COL5A1: variants seen among roughly 807,000 people sequenced by gnomAD.
COL5A1 encodes the protein collagen alpha-1(V) chain.
In COL5A1, 16 loss-of-function variants were observed where a neutral mutation model predicts 263.7. The ratio of observed to expected loss-of-function variants is 0.06; its 90% CI spans 0.04 to 0.09. The LOEUF is 0.09. Ranked by LOEUF, COL5A1 falls within the 10% of genes least tolerant of loss-of-function variation. The pLI is 1.00. For missense variants in COL5A1, 2,036 were observed against 2,540.5 expected, an observed-to-expected ratio of 0.80 and a Z score of 4.27; for synonymous variants, 1,012 against 1,004.5, an observed-to-expected ratio of 1.01 and a Z score of -0.14.
rs1047912610 is a variant in COL5A1, at chr9:134,757,938, A to G, written c.1882-305A>G. 2.0e-5 allele frequency among the ~76,000 whole-genome samples: 3 copies of G among 152,134 alleles called. No homozygotes were observed. The highest frequency in any genetic ancestry group is 6.5e-5 in the Admixed American group (1 of 15,280). On this transcript the variant is annotated intron_variant, in intron 17 of 65. Transcript: ENST00000371817. This position sits in a 1 kb window ranked among gnomAD's most constrained non-coding sequence, Gnocchi z 6.2. ...GGGGAGATCAGCAGCAGACACTCACACACACGGGAAACTGCAGCGGTCGCT... is the reference window on the plus strand; with the variant it reads ...GGGGAGATCAGCAGCAGACACTCACGCACACGGGAAACTGCAGCGGTCGCT...
Position 134,681,061 on chromosome 9 carries a change from G to C in COL5A1, c.110-9851G>C, listed in dbSNP as rs1832840164. Among the ~76,000 whole-genome samples, 2 of 152,132 alleles carry C rather than the reference G, an allele frequency of 1.3e-5. No individual in the cohort carries two copies. The highest frequency in any genetic ancestry group is 4.1e-4 in the South Asian group (2 of 4,830). ...CCCCTGCCCCTTTGCTTTGCTCCCT[G>C]GTTTAGTCATTGAGGAAGAATTTCA... On this transcript the variant is annotated intron_variant, in intron 1 of 65. Transcript: ENST00000371817. The surrounding 1 kb of genome is among the most constrained non-coding windows in gnomAD (Gnocchi z 4.3).
chr9:134,679,383 AG>A (rs1342133125), intron 1 of COL5A1, among the ~76,000 whole-genome samples: 7 of 36,504 alleles, frequency 1.9e-4, no homozygotes, highest in South Asian at 9.1e-4. Context: ...GGGGCTGGTT[AG>A]GGGGCACTGT....
At chr9:134,777,264 G>A (rs774428559) in intron 27 of COL5A1, among the ~76,000 whole-genome samples, 2 of 152,260 alleles carry the variant, frequency 1.3e-5, no homozygotes, top group Non-Finnish European at 2.9e-5. Flanking sequence ...GCGAAAGCCT[G>A]TCCCTCTCTG....
At chr9:134,667,355 G>A (rs1460174286) in intron 1 of COL5A1, among the ~76,000 whole-genome samples, 3 of 152,230 alleles carry the variant, frequency 2.0e-5, no homozygotes, top group Non-Finnish European at 2.9e-5. Flanking sequence ...GCTGTGGAAC[G>A]CTGACCACCA....
chr9:134,718,254 C>T (rs1014707557), intron 4 of COL5A1, among the ~76,000 whole-genome samples: 6 of 152,236 alleles, frequency 3.9e-5, no homozygotes, highest in African/African-American at 1.4e-4. Context: ...TTCCGTCGAA[C>T]GTGGCCGCCA....
At chr9:134,745,404 G>T (rs893182758) in intron 11 of COL5A1, among the ~76,000 whole-genome samples, 1 of 152,152 alleles carries the variant, frequency 6.6e-6, no homozygotes, top group Non-Finnish European at 1.5e-5. Context: ...TGTTCATCAC[G>T]GTCAGTTAGT....
intron 25 of COL5A1, 49 bp downstream of exon 25, chr9:134,768,512 C>G: frequency 1.3e-6 from 2 of 1,579,190 alleles, no homozygotes; most frequent in Non-Finnish European, 1.7e-6. Context: ...CCACCTCCAC[C>G]CTGCGGATAG....
At chr9:134,738,941 CCCAGGCACTCCTCACA>C in intron 11 of COL5A1, 133 bp downstream of exon 11, 1 of 744,504 alleles carries the variant, frequency 1.3e-6, no homozygotes, top group Non-Finnish European at 2.4e-6. Flanking sequence ...TCCCCCCTCA[CCCAGGCACTCCTCACA>C]CCAGCCCCGT....
chr9:134,782,119 G>C (rs997162396), intron 28 of COL5A1, among the ~76,000 whole-genome samples: 1 of 152,182 alleles, frequency 6.6e-6, no homozygotes, highest in Non-Finnish European at 1.5e-5. Context: ...AGCCTCACTT[G>C]GGTCCCAGGT....
Position 134,803,005 on chromosome 9 carries a change from T to C in COL5A1, c.3114+10T>C, listed in dbSNP as rs1057523401. 1.8e-5 allele frequency: 28 copies of C among 1,579,804 alleles called. No individual in the cohort carries two copies. Among genetic ancestry groups the C allele is most frequent in the Non-Finnish European group, 2.4e-5 (28 of 1,160,188 alleles). On this transcript the variant is annotated intron_variant, in intron 39 of 65. Coordinates refer to ENST00000371817, the MANE Select transcript of COL5A1 (RefSeq NM_000093.5). ...AAAAGAAGGGACGAAGGTGAGTTTC[T>C]GGAGCCTTCTGTGTCAGCTCAGGCG...
In COL5A1 at chr9:134,754,128, C is replaced by A. The variant is rs183083175; in HGVS notation, c.1774-145C>A. ...CTGGCCTTCATTCTGGGCAGCAGAT[C>A]CGTGTCCCGTCCCCGAAGTGCCCAC... On this transcript the variant is annotated intron_variant, in intron 15 of 65. Coordinates refer to ENST00000371817, the MANE Select transcript of COL5A1 (RefSeq NM_000093.5). This position sits in a 1 kb window ranked among gnomAD's most constrained non-coding sequence, Gnocchi z 4.3. 2,789 of 892,068 alleles carry A rather than the reference C, an allele frequency of 3.1e-3. 8 individuals are homozygous for A. The highest frequency in any genetic ancestry group is 4.4e-3 in the Non-Finnish European group (2,416 of 553,622). The allele number at this position is 892,068 out of a possible 1,614,324, so 55.3% of individuals were successfully genotyped here. A position where few individuals can be genotyped will look rare whatever the true frequency, so the allele number is the denominator to read the frequency against.
intron 27 of COL5A1, among the ~76,000 whole-genome samples, chr9:134,778,204 G>C (rs574459390): frequency 6.6e-6 from 1 of 152,318 alleles, no homozygotes; most frequent in African/African-American, 2.4e-5. Flanking sequence ...TTCCAGCCAG[G>C]ATTGCTTTGG....
At chr9:134,760,975 T>C (rs1836402673) in intron 18 of COL5A1, among the ~76,000 whole-genome samples, 1 of 134,494 alleles carries the variant, frequency 7.4e-6, no homozygotes, top group African/African-American at 3.1e-5. Context: ...CACACATGTA[T>C]ACCACCCCGA....
chr9:134,674,620 T>C (rs546457869), intron 1 of COL5A1, among the ~76,000 whole-genome samples: 2 of 152,140 alleles, frequency 1.3e-5, no homozygotes, highest in Non-Finnish European at 2.9e-5. Flanking sequence ...GTGCGATGAC[T>C]CACGCCTGTA....
intron 4 of COL5A1, among the ~76,000 whole-genome samples, chr9:134,711,865 C>T (rs1187369174): frequency 6.6e-6 from 1 of 152,034 alleles, no homozygotes; most frequent in African/African-American, 2.4e-5. Flanking sequence ...CCCATAGAGC[C>T]ACTGCCTGGC....
chr9:134,768,543 T>TG (rs1836761885), intron 25 of COL5A1, 80 bp downstream of exon 25: 2 of 1,441,856 alleles, frequency 1.4e-6, no homozygotes, highest in South Asian at 2.3e-5. Context: ...CCAGGCTCTT[T>TG]GGGGTTGTTG....
chr9:134,679,632 T>TG (rs1832790322), intron 1 of COL5A1, among the ~76,000 whole-genome samples: 1 of 77,794 alleles, frequency 1.3e-5, no homozygotes, highest in African/African-American at 5.4e-5. Flanking sequence ...ACTGCGGGGC[T>TG]TCTTAGGGGG....
At chr9:134,771,493 C>T (rs561168106) in intron 25 of COL5A1, among the ~76,000 whole-genome samples, 16 of 152,358 alleles carry the variant, frequency 1.1e-4, no homozygotes, top group Admixed American at 3.3e-4. Context: ...GGGAACTTTG[C>T]GCCCTCCCAC....
At chr9:134,809,822 C>T (rs1255733179) in intron 43 of COL5A1, among the ~76,000 whole-genome samples, 2 of 152,198 alleles carry the variant, frequency 1.3e-5, no homozygotes, top group Non-Finnish European at 2.9e-5. Flanking sequence ...TCTCTGGGGA[C>T]ATTTCTGACT....
Sources: allele counts gnomAD v4.1 joint callset (sites outside exome capture counted in the v4.1 genomes callset), GRCh38; gene constraint gnomAD v4.1.1; non-coding constraint Gnocchi (gnomAD v3.1); transcripts MANE v1.5; gene names NCBI Gene and HGNC (gene_info 2026-07-23, HGNC 2026-07-21).